Variants in SLC36A1 observed in about 807,000 individuals in gnomAD.
SLC36A1 encodes solute carrier family 36 member 1, also known as proton-coupled amino acid transporter 1.
SLC36A1 carries 30 observed loss-of-function variants against 47.5 expected under a neutral mutation model. The observed-to-expected ratio is 0.63, with a 90% CI of 0.47 to 0.86. The LOEUF is 0.86. SLC36A1 is among the 40% of genes least tolerant of loss of function. SLC36A1 has a pLI of 0.00. For synonymous variants in SLC36A1, 255 were observed against 249.7 expected (o/e 1.02, Z -0.20); for missense variants, 517 against 606.0 (o/e 0.85, Z 1.54).
At chr5:151,401,218 A>G in the SLC36A1 span, among the ~76,000 whole-genome samples, 2 of 152,158 alleles carry the variant, frequency 1.3e-5, no homozygotes, top group Non-Finnish European at 2.9e-5. Context: ...TATGGAGTCC[A>G]GTTTTATTCT....
rs1760147155 is a variant in SLC36A1, at chr5:151,491,841, C to T, written c.*3587C>T. ...CAAAGTACATTACAAATCTCTGAGGCCATTAGGGGAAAAGGAAGGGGTGTG... is the reference window on the plus strand; with the variant it reads ...CAAAGTACATTACAAATCTCTGAGGTCATTAGGGGAAAAGGAAGGGGTGTG... On this transcript the variant is annotated 3_prime_UTR_variant, in exon 11 of 11. Coordinates refer to ENST00000243389, the MANE Select transcript of SLC36A1 (RefSeq NM_078483.4). 6.6e-6 allele frequency: 1 copy of T among 152,228 alleles called. No individual in the cohort carries two copies. The highest frequency in any genetic ancestry group is 1.5e-5 in the Non-Finnish European group (1 of 68,042). The allele number at this position is 152,228 out of a possible 1,614,324, so 9.4% of individuals were successfully genotyped here.
chr5:151,540,919 A>G, the SLC36A1 span, among the ~76,000 whole-genome samples: 74 of 152,356 alleles, frequency 4.9e-4, no homozygotes, highest in African/African-American at 1.7e-3. Context: ...CACTGAGTCC[A>G]CTTTTTGGTG....
the SLC36A1 span, chr5:151,554,537 G>A: frequency 6.2e-7 from 1 of 1,614,214 alleles, no homozygotes; most frequent in Non-Finnish European, 8.5e-7. Flanking sequence ...AGGGGACACA[G>A]GGCTCAGCCT....
intron 5 of SLC36A1, among the ~76,000 whole-genome samples, chr5:151,465,806 G>T (rs1394548040): frequency 6.6e-6 from 1 of 152,116 alleles, no homozygotes; most frequent in Non-Finnish European, 1.5e-5. Context: ...ACTAGAGCAG[G>T]GTGTGGAGAT....
chr5:151,508,047 G>A, the SLC36A1 span, among the ~76,000 whole-genome samples: 11 of 152,190 alleles, frequency 7.2e-5, no homozygotes, highest in African/African-American at 9.7e-5. Flanking sequence ...AGGAGCCAAC[G>A]TGGTCCTGCA....
intron 1 of SLC36A1, among the ~76,000 whole-genome samples, chr5:151,451,473 C>G (rs1198266821): frequency 5.3e-5 from 8 of 152,156 alleles, no homozygotes; most frequent in Non-Finnish European, 8.8e-5. Context: ...AGATCACCAT[C>G]TCCAAGGTAG....
At chr5:151,533,211 C>T in the SLC36A1 span, among the ~76,000 whole-genome samples, 5 of 152,042 alleles carry the variant, frequency 3.3e-5, no homozygotes, top group African/African-American at 1.2e-4. Context: ...TAGGGAGCAT[C>T]CTGTCCCTGG....
chr5:151,473,553 C>A, intron 7 of SLC36A1, 120 bp from the exon 8 acceptor site: 1 of 672,072 alleles, frequency 1.5e-6, no homozygotes, highest in Non-Finnish European at 2.6e-6. Context: ...ATTAGACTTT[C>A]TTCCTTTAGA....
the SLC36A1 span, among the ~76,000 whole-genome samples, chr5:151,530,889 A>G: frequency 1.3e-5 from 2 of 152,168 alleles, no homozygotes; most frequent in African/African-American, 4.8e-5. Flanking sequence ...TCTATTTTTT[A>G]ATATGTTCAA....
chr5:151,349,371 C>G, the SLC36A1 span, among the ~76,000 whole-genome samples: 3 of 152,110 alleles, frequency 2.0e-5, no homozygotes, highest in African/African-American at 4.8e-5. Flanking sequence ...CACATGTTAG[C>G]AGGCAGGAGG....
At chr5:151,546,394 G>A in the SLC36A1 span, 3 of 1,357,202 alleles carry the variant, frequency 2.2e-6, no homozygotes, top group Non-Finnish European at 3.1e-6. Flanking sequence ...TATCAGCTAG[G>A]CTTTCTAGAT....
chr5:151,403,270 A>G, the SLC36A1 span, among the ~76,000 whole-genome samples: 7 of 152,058 alleles, frequency 4.6e-5, no homozygotes, highest in African/African-American at 1.2e-4. Context: ...TTTACCTGAT[A>G]TGGTTTGGAT....
At chr5:151,512,357 C>T in the SLC36A1 span, 14 of 1,614,130 alleles carry the variant, frequency 8.7e-6, no homozygotes, top group African/African-American at 1.3e-5. This position sits in a 1 kb window ranked among gnomAD's most constrained non-coding sequence, Gnocchi z 4.1. Flanking sequence ...CCCTGGGAGA[C>T]ATTCGAGGAA....
chr5:151,510,106 A>C, the SLC36A1 span: 2 of 1,614,098 alleles, frequency 1.2e-6, no homozygotes, highest in East Asian at 4.5e-5. Flanking sequence ...CAGGGTGCAA[A>C]AGTACAGTTC....
chr5:151,552,699 G>A, the SLC36A1 span, among the ~76,000 whole-genome samples: 1 of 152,178 alleles, frequency 6.6e-6, no homozygotes, highest in Admixed American at 6.5e-5. Context: ...TTCAGAGAAG[G>A]CCATCAGAGC....
intron 7 of SLC36A1, among the ~76,000 whole-genome samples, chr5:151,471,574 G>A (rs1757316265): frequency 6.6e-6 from 1 of 152,168 alleles, no homozygotes; most frequent in Non-Finnish European, 1.5e-5. Flanking sequence ...ATAATTACAG[G>A]CCACTCTTGC....
chr5:151,484,728 T>C (rs967698683), intron 10 of SLC36A1, among the ~76,000 whole-genome samples: 5 of 152,234 alleles, frequency 3.3e-5, no homozygotes, highest in African/African-American at 1.2e-4. Context: ...CTGAGTTCTT[T>C]ACATGAGTGA....
chr5:151,381,128 G>C, the SLC36A1 span: 1 of 490,354 alleles, frequency 2.0e-6, no homozygotes, highest in South Asian at 1.8e-5. Flanking sequence ...CCTCTCTCTG[G>C]CAGGCAAGGA....
At chr5:151,438,910 A>T (rs1759939024) in intron 1 of SLC36A1, among the ~76,000 whole-genome samples, 1 of 152,208 alleles carries the variant, frequency 6.6e-6, no homozygotes. Flanking sequence ...TACCACAAAA[A>T]TACTATTGAT....
Sources: allele counts gnomAD v4.1 joint callset (sites outside exome capture counted in the v4.1 genomes callset), GRCh38; gene constraint gnomAD v4.1.1; non-coding constraint Gnocchi (gnomAD v3.1); transcripts MANE v1.5; gene names NCBI Gene and HGNC (gene_info 2026-07-23, HGNC 2026-07-21).